The following DGKG variants were observed in gnomAD, a reference collection of about 807,000 sequenced individuals.
The protein encoded by DGKG is diacylglycerol kinase gamma.
A neutral mutation model predicts 105.3 loss-of-function variants in DGKG; 78 were observed. The observed-to-expected ratio is 0.74, with a 90% confidence interval of 0.62 to 0.89. DGKG has a LOEUF of 0.89. Among genes scored for constraint, DGKG ranks in the 40% least tolerant of loss-of-function variants. The probability of loss-of-function intolerance (pLI) is 0.00; values close to 1 mark genes in which losing one functional copy is unlikely to be tolerated. For missense variants in DGKG, 958 were observed against 1,020.1 expected (o/e 0.94, Z 0.83); for synonymous variants, 346 against 367.1 (o/e 0.94, Z 0.66).
At chr3:186,357,662 C>T (rs1289410003) in intron 1 of DGKG, among the ~76,000 whole-genome samples, 1 of 152,178 alleles carries the variant, frequency 6.6e-6, no homozygotes, top group Non-Finnish European at 1.5e-5. Context: ...AGTGCTATTG[C>T]TAATATTACC....
At chr3:186,309,116 T>C (rs1048154206) in intron 2 of DGKG, among the ~76,000 whole-genome samples, 4 of 152,196 alleles carry the variant, frequency 2.6e-5, no homozygotes, top group Non-Finnish European at 4.4e-5. Context: ...TATGAAGTTC[T>C]ATGAAACACC....
intron 9 of DGKG, among the ~76,000 whole-genome samples, chr3:186,276,462 A>G (rs1722593360): frequency 1.3e-5 from 2 of 152,212 alleles, no homozygotes; most frequent in South Asian, 4.1e-4. Context: ...TGTGTGTTCC[A>G]AATGTTTTAC....
intron 14 of DGKG, among the ~76,000 whole-genome samples, chr3:186,264,346 C>T (rs1038402070): frequency 6.6e-6 from 1 of 152,160 alleles, no homozygotes; most frequent in Non-Finnish European, 1.5e-5. Context: ...TCACTGCAAC[C>T]TCCACCTCCC....
intron 20 of DGKG, among the ~76,000 whole-genome samples, chr3:186,238,477 G>A (rs1046984898): frequency 7.9e-5 from 12 of 152,094 alleles, no homozygotes; most frequent in African/African-American, 2.7e-4. Flanking sequence ...GAATACTTGA[G>A]CACTATTTTT....
At chr3:186,300,859 G>A (rs1723886956) in intron 3 of DGKG, among the ~76,000 whole-genome samples, 1 of 152,198 alleles carries the variant, frequency 6.6e-6, no homozygotes, top group South Asian at 2.1e-4. Flanking sequence ...ACTGGTCTCA[G>A]ACCAAGCGCA....
At chr3:186,343,169 G>A (rs1428456637) in intron 1 of DGKG, among the ~76,000 whole-genome samples, 2 of 152,200 alleles carry the variant, frequency 1.3e-5, no homozygotes, top group South Asian at 2.1e-4. Flanking sequence ...GCTTGTGAAC[G>A]AGGATTACCA....
At chr3:186,269,217 G>T (rs780655074) in intron 11 of DGKG, among the ~76,000 whole-genome samples, 4 of 152,270 alleles carry the variant, frequency 2.6e-5, no homozygotes, top group Non-Finnish European at 5.9e-5. Flanking sequence ...CCATCTGTTT[G>T]TCTTGCAGAA....
rs149164255 is a variant in DGKG, at chr3:186,321,649, T to A, written c.-248-942A>T. ...CTGAGGGCCAACTGCAAGGCAAGTC[T>A]GGGGTTCCTGGAGCATATGAGCAGT... On this transcript the variant is annotated intron_variant, in intron 1 of 24. Coordinates refer to ENST00000265022, the MANE Select transcript of DGKG (RefSeq NM_001346.3). Among the ~76,000 whole-genome samples, 72 of 152,324 alleles carry A rather than the reference T, an allele frequency of 4.7e-4. No homozygotes were observed. In the Middle Eastern group the frequency reaches 0.01, roughly 22 times the overall value.
chr3:186,303,686 C>G (rs538523854), intron 3 of DGKG, among the ~76,000 whole-genome samples: 1 of 152,328 alleles, frequency 6.6e-6, no homozygotes, highest in African/African-American at 2.4e-5. Flanking sequence ...CCACCTGCCT[C>G]TTTTGCTTTT....
At chr3:186,174,721 G>A (rs1051908000) in intron 22 of DGKG, among the ~76,000 whole-genome samples, 1 of 149,956 alleles carries the variant, frequency 6.7e-6, no homozygotes, top group African/African-American at 2.5e-5. Context: ...AACCATCCAG[G>A]TTGCCTTCTC....
chr3:186,188,401 C>T (rs761818632), intron 21 of DGKG, 22 bp from the exon 22 acceptor site: 6 of 1,612,072 alleles, frequency 3.7e-6, no homozygotes, highest in Non-Finnish European at 5.1e-6. Context: ...AGAGAAAAGG[C>T]CATCTGTTAG....
intron 3 of DGKG, among the ~76,000 whole-genome samples, chr3:186,302,634 C>CTATATCTA (rs1553816390): frequency 6.8e-6 from 1 of 147,516 alleles, no homozygotes; most frequent in Admixed American, 6.8e-5. Context: ...ATATCTATAT[C>CTATATCTA]TATATCTATA....
At chr3:186,281,061 C>T in intron 7 of DGKG, 1 of 223,834 alleles carries the variant, frequency 4.5e-6, no homozygotes, top group Non-Finnish European at 9.1e-6. Context: ...TTTTATCCCT[C>T]TTTGTGATTA....
chr3:186,349,442 A>T (rs1422899536), intron 1 of DGKG, among the ~76,000 whole-genome samples: 1 of 152,178 alleles, frequency 6.6e-6, no homozygotes, highest in African/African-American at 2.4e-5. Flanking sequence ...TCACAATCTC[A>T]GATTGCTCTC....
intron 20 of DGKG, among the ~76,000 whole-genome samples, chr3:186,223,234 C>T (rs899928670): frequency 4.0e-5 from 6 of 151,448 alleles, no homozygotes; most frequent in Non-Finnish European, 8.8e-5. Context: ...ACATCCCCGG[C>T]GGTGACCCTG....
chr3:186,280,688 A>T lies in DGKG; in HGVS notation c.651T>A (p.Asp217Glu), dbSNP rs1373966895. Residue 217 changes from aspartate to glutamate, a missense_variant, in exon 8 of 25, where the codon GAT becomes GAA. Physicochemically the swap from Asp to Glu is conservative, Grantham distance 45. Coordinates refer to ENST00000265022, the MANE Select transcript of DGKG (RefSeq NM_001346.3). ...AACTCACAGGCCTCAGCTCTGTGGG[A>T]TCCCACTCCAGGTACTGGGCAATAT... ...MLHIAQYLEW[D>E]PTELRPILKE... The T allele has an allele frequency of 6.2e-7, 1 of 1,614,068 alleles. No individual in the cohort carries two copies. The highest frequency in any genetic ancestry group is 1.7e-5 in the Admixed American group (1 of 60,014).
At chr3:186,249,979 T>G (rs935782408) in intron 19 of DGKG, among the ~76,000 whole-genome samples, 2 of 151,900 alleles carry the variant, frequency 1.3e-5, no homozygotes, top group Non-Finnish European at 1.5e-5. Context: ...GGTTGAGGAG[T>G]GCAGGTATCA....
rs548137206 is a variant in DGKG, at chr3:186,204,361, G to A, written c.1917+7434C>T. Among the ~76,000 whole-genome samples, 9 of 152,208 alleles carry A rather than the reference G, an allele frequency of 5.9e-5. No individual in the cohort carries two copies. The South Asian group carries it at 1.0e-3, about 18-fold the overall frequency. ...GCAGAGGTTGCAGTAAGCTGAGATCGCGCCACTGCACTCCATCCTGGGTGA... is the reference window on the plus strand; with the variant it reads ...GCAGAGGTTGCAGTAAGCTGAGATCACGCCACTGCACTCCATCCTGGGTGA... On this transcript the variant is annotated intron_variant, in intron 21 of 24. Transcript: ENST00000265022.
chr3:186,310,284 AAAAAAC>A (rs1422322336), intron 2 of DGKG, among the ~76,000 whole-genome samples: 2 of 149,716 alleles, frequency 1.3e-5, no homozygotes, highest in Non-Finnish European at 3.0e-5. Context: ...AAAAAAAAAA[AAAAAAC>A]CACACACACA....
Sources: allele counts gnomAD v4.1 joint callset (sites outside exome capture counted in the v4.1 genomes callset), GRCh38; gene constraint gnomAD v4.1.1; transcripts MANE v1.5; gene names NCBI Gene and HGNC (gene_info 2026-07-23, HGNC 2026-07-21).